PITPNM3: variants seen among roughly 807,000 people sequenced by gnomAD.
PITPNM3 encodes PITPNM family member 3, also known as membrane-associated phosphatidylinositol transfer protein 3.
A neutral mutation model predicts 102.0 loss-of-function variants in PITPNM3; 26 were observed. The observed-to-expected ratio is 0.25, with a 90% confidence interval of 0.19 to 0.35. PITPNM3 has a LOEUF of 0.35. Ranked by LOEUF, PITPNM3 falls within the 10% of genes least tolerant of loss-of-function variation. The probability of loss-of-function intolerance (pLI) is 1.00; values close to 1 mark genes in which losing one functional copy is unlikely to be tolerated. For missense variants in PITPNM3, 1,083 were observed against 1,346.1 expected, an observed-to-expected ratio of 0.80 and a Z score of 3.06; for synonymous variants, 578 against 558.6, an observed-to-expected ratio of 1.03 and a Z score of -0.49.
chr17:6,525,209 C>A (rs1437277907), intron 3 of PITPNM3, 147 bp downstream of exon 3: 2 of 762,678 alleles, frequency 2.6e-6, no homozygotes, highest in Non-Finnish European at 2.3e-6. Context: ...CTGTAAGTGG[C>A]AAAATTCAGG....
intron 1 of PITPNM3, among the ~76,000 whole-genome samples, chr17:6,539,442 G>C (rs1909623383): frequency 6.6e-6 from 1 of 152,026 alleles, no homozygotes; most frequent in African/African-American, 2.4e-5. Flanking sequence ...TGTCTATGCA[G>C]AAAACAAAAA....
At position 6,469,404 on chromosome 17, in the gene PITPNM3, A is replaced by C. The variant is rs1904946592; in HGVS notation, c.1773+856T>G. ...TGGGGACCCACCCCCAGCCCAGCAC[A>C]CTCTCTCCCACCCCCAAGAACCTAC... On this transcript the variant is annotated intron_variant, in intron 13 of 19. Transcript: ENST00000262483. This position sits in a 1 kb window ranked among gnomAD's most constrained non-coding sequence, Gnocchi z 4.0. Among the ~76,000 whole-genome samples, 3 of 140,438 alleles carry C rather than the reference A, an allele frequency of 2.1e-5. No homozygotes were observed. The highest frequency in any genetic ancestry group is 5.3e-5 in the African/African-American group (2 of 37,576). The allele number at this position is 140,438 out of a possible 152,430, so 92.1% of individuals were successfully genotyped here.
chr17:6,509,144 T>C (rs549751794), intron 3 of PITPNM3, among the ~76,000 whole-genome samples: 99 of 152,272 alleles, frequency 6.5e-4, no homozygotes, highest in African/African-American at 2.3e-3. Context: ...CAATCTTGCC[T>C]GTCCTGAACT....
chr17:6,492,416 C>T (rs75215492), intron 4 of PITPNM3, among the ~76,000 whole-genome samples: 3 of 152,214 alleles, frequency 2.0e-5, no homozygotes, highest in Non-Finnish European at 2.9e-5. Context: ...TCAATACAAA[C>T]ACTACAAAGA....
At chr17:6,545,998 C>G (rs887556581) in intron 1 of PITPNM3, among the ~76,000 whole-genome samples, 1 of 152,192 alleles carries the variant, frequency 6.6e-6, no homozygotes, top group African/African-American at 2.4e-5. Flanking sequence ...GGAGCATCCC[C>G]GAGGGAATGT....
chr17:6,519,986 G>C (rs1172099619), intron 3 of PITPNM3, among the ~76,000 whole-genome samples: 4 of 152,090 alleles, frequency 2.6e-5, no homozygotes, highest in African/African-American at 9.7e-5. Context: ...TTTACTTCCA[G>C]AATATATATG....
At chr17:6,475,460 G>C (rs983478952) in intron 9 of PITPNM3, among the ~76,000 whole-genome samples, 3 of 152,222 alleles carry the variant, frequency 2.0e-5, no homozygotes, top group Non-Finnish European at 4.4e-5. Context: ...TTGAGTCAGA[G>C]GAGAACAAAC....
At position 6,455,273 on chromosome 17, in the gene PITPNM3, C is replaced by T; in HGVS notation, c.*65G>A. On this transcript the variant is annotated 3_prime_UTR_variant, in exon 20 of 20. Transcript: ENST00000262483. ...CGCCTGTGTCGGGGAGAGGGCAGCC[C>T]CCTCCCGTCCCCGCAGGCAGCCTGA... is the stretch of plus-strand genomic sequence containing the variant. 6.6e-7 allele frequency: 1 copy of T among 1,504,350 alleles called. No homozygotes were observed. The highest frequency in any genetic ancestry group is 2.1e-5 in the Admixed American group (1 of 47,216). The allele number at this position is 1,504,350 out of a possible 1,614,324, so 93.2% of individuals were successfully genotyped here.
At position 6,457,876 on chromosome 17, in the gene PITPNM3, C is replaced by A. The variant is rs1225105324; in HGVS notation, c.2491-154G>T. Among the ~76,000 whole-genome samples, 2 of 151,886 alleles carry A rather than the reference C, an allele frequency of 1.3e-5. No homozygotes were observed. The highest frequency in any genetic ancestry group is 4.8e-5 in the African/African-American group (2 of 41,316). ...GGGCCACCCTGTGTCAGGAATGAAC[C>A]CTCAGAGTGGCTGCCCCTCCCTGCA... On this transcript the variant is annotated intron_variant, in intron 18 of 19. Coordinates refer to ENST00000262483, the MANE Select transcript of PITPNM3 (RefSeq NM_031220.4). The surrounding 1 kb of genome is among the most constrained non-coding windows in gnomAD (Gnocchi z 4.7).
intron 2 of PITPNM3, among the ~76,000 whole-genome samples, chr17:6,526,433 G>C (rs1347656687): frequency 1.3e-5 from 2 of 152,188 alleles, no homozygotes; most frequent in Non-Finnish European, 2.9e-5. Flanking sequence ...AGACATCAAA[G>C]GGTGTTGAGG....
intron 8 of PITPNM3, among the ~76,000 whole-genome samples, 177 bp downstream of exon 8, chr17:6,477,798 G>A (rs1323010192): frequency 1.3e-5 from 2 of 152,072 alleles, no homozygotes; most frequent in Admixed American, 6.5e-5. Flanking sequence ...TGCCCACCTC[G>A]GCCTCCCAAA....
At chr17:6,482,060 C>T (rs398041497) in intron 6 of PITPNM3, among the ~76,000 whole-genome samples, 18 of 118,898 alleles carry the variant, frequency 1.5e-4, no homozygotes, top group African/African-American at 4.6e-4. Flanking sequence ...CTCTCTCTCT[C>T]TCTCTGTCTC....
intron 4 of PITPNM3, 120 bp from the exon 5 acceptor site, chr17:6,484,412 T>TA: frequency 9.9e-7 from 1 of 1,014,882 alleles, no homozygotes; most frequent in South Asian, 1.3e-5. Flanking sequence ...GAGCTCAAGT[T>TA]AGAGTCTGGA....
intron 4 of PITPNM3, among the ~76,000 whole-genome samples, chr17:6,494,622 C>CT (rs1003800256): frequency 3.3e-5 from 5 of 150,830 alleles, no homozygotes; most frequent in Admixed American, 1.3e-4. Flanking sequence ...CCTAAGACAA[C>CT]TTTTTTTTTT....
In PITPNM3 at chr17:6,455,406, C is replaced by G; in HGVS notation, c.2857G>C (p.Asp953His). The G allele has an allele frequency of 1.2e-6, 2 of 1,601,566 alleles. No individual in the cohort carries two copies. Among genetic ancestry groups the G allele is most frequent in the Non-Finnish European group, 1.7e-6 (2 of 1,176,822 alleles). ...RAQSQPESDK[D>H]HERPLPALSW... ...AGCGCCGGCAGCGGCCGCTCGTGGT[C>G]TTTGTCCGACTCGGGCTGGCTCTGG... The change falls in exon 20 of 20, where the codon GAC becomes CAC. Residue 953 changes from aspartate to histidine, a missense_variant. Around this residue, in one of 5 missense-constraint regions of PITPNM3, gnomAD observed 208 missense variants for 178.2 expected, o/e 1.17. Coordinates refer to ENST00000262483, the MANE Select transcript of PITPNM3 (RefSeq NM_031220.4).
intron 2 of PITPNM3, among the ~76,000 whole-genome samples, chr17:6,535,506 T>C (rs1337349254): frequency 6.6e-6 from 1 of 151,958 alleles, no homozygotes; most frequent in Non-Finnish European, 1.5e-5. Context: ...ATGCAGATGC[T>C]CTGGAAGAGG....
chr17:6,507,335 G>A (rs1035111272), intron 3 of PITPNM3, among the ~76,000 whole-genome samples: 6 of 152,192 alleles, frequency 3.9e-5, no homozygotes, highest in African/African-American at 1.4e-4. Flanking sequence ...TGTAAACTTA[G>A]CACTTTGGGA....
chr17:6,543,446 A>G (rs1313313898), intron 1 of PITPNM3, among the ~76,000 whole-genome samples: 3 of 152,242 alleles, frequency 2.0e-5, no homozygotes, highest in Admixed American at 6.5e-5. Flanking sequence ...CCAGGGGCAG[A>G]GTCCTCAGGC....
intron 4 of PITPNM3, among the ~76,000 whole-genome samples, chr17:6,502,077 C>T (rs569005009): frequency 6.6e-6 from 1 of 152,352 alleles, no homozygotes; most frequent in Admixed American, 6.5e-5. Flanking sequence ...CCTTGGGGTG[C>T]CCCTGACAAA....
Sources: gnomAD v4.1 joint callset for allele counts (sites outside exome capture counted in the v4.1 genomes callset) on GRCh38, gnomAD v4.1.1 for gene constraint, gnomAD v4.1.1 regional missense constraint, Gnocchi (gnomAD v3.1) non-coding constraint, MANE v1.5 for transcripts, NCBI Gene and HGNC (gene_info 2026-07-23, HGNC 2026-07-21) for gene names.